The following NLGN1 variants were observed in gnomAD, a reference collection of about 807,000 sequenced individuals.
NLGN1 encodes neuroligin 1.
Under a neutral mutation model 65.5 loss-of-function variants are expected in NLGN1, and 12 were observed. That is an observed-to-expected ratio of 0.18 (90% confidence interval 0.12 to 0.30). The LOEUF (loss-of-function observed/expected upper bound fraction) is 0.30. Among genes scored for constraint, NLGN1 ranks in the 10% least tolerant of loss-of-function variants. The probability of loss-of-function intolerance (pLI) is 1.00; values close to 1 mark genes in which losing one functional copy is unlikely to be tolerated. For synonymous variants in NLGN1, 350 were observed against 359.5 expected (o/e 0.97, Z 0.30); for missense variants, 750 against 1,007.1 (o/e 0.74, Z 3.46).
intron 2 of NLGN1, among the ~76,000 whole-genome samples, chr3:173,586,225 A>G (rs1747416826): frequency 6.6e-6 from 1 of 152,162 alleles, no homozygotes; most frequent in Admixed American, 6.5e-5. Context: ...TAAAACATAC[A>G]TTTTGTATGT....
intron 3 of NLGN1, among the ~76,000 whole-genome samples, chr3:173,746,170 G>A (rs978931460): frequency 6.6e-6 from 1 of 152,054 alleles, no homozygotes; most frequent in Non-Finnish European, 1.5e-5. Flanking sequence ...GCATGCACCT[G>A]TAATACCAGT....
intron 4 of NLGN1, among the ~76,000 whole-genome samples, chr3:173,931,879 G>A (rs1310174713): frequency 6.6e-6 from 1 of 152,100 alleles, no homozygotes; most frequent in African/African-American, 2.4e-5. Flanking sequence ...GTAGTAAGAA[G>A]CACTGAGAGT....
chr3:173,663,672 T>C (rs908667468), intron 3 of NLGN1, among the ~76,000 whole-genome samples: 14 of 151,942 alleles, frequency 9.2e-5, no homozygotes, highest in African/African-American at 2.7e-4. Context: ...ACTAGAAATG[T>C]ATTGGTAGCT....
chr3:173,885,688 T>C (rs1257831758), intron 4 of NLGN1, among the ~76,000 whole-genome samples: 1 of 152,052 alleles, frequency 6.6e-6, no homozygotes, highest in Non-Finnish European at 1.5e-5. Flanking sequence ...ACTAAATAGT[T>C]AAACACTTGA....
At chr3:173,840,182 G>C (rs1488417234) in intron 4 of NLGN1, among the ~76,000 whole-genome samples, 2 of 152,086 alleles carry the variant, frequency 1.3e-5, no homozygotes, top group African/African-American at 4.8e-5. Flanking sequence ...TGCCTTAATT[G>C]ACAAATAAAT....
rs553539437 is a variant in NLGN1, at chr3:173,459,967, A to G, written c.-321+24889A>G. Among the ~76,000 whole-genome samples, 9 of 152,204 alleles carry G rather than the reference A, an allele frequency of 5.9e-5. No homozygotes were observed. In the South Asian group the frequency reaches 1.9e-3, roughly 32 times the overall value. ...TATGAGAAGCAATTATTTTTATAGC[A>G]TATGTGAATGAAAATTGACAATGCA... On this transcript the variant is annotated intron_variant, in intron 2 of 6. Coordinates refer to ENST00000457714, the Ensembl canonical transcript of NLGN1.
At chr3:173,898,928 CACCAAAA>C (rs1316104511) in intron 4 of NLGN1, among the ~76,000 whole-genome samples, 56 of 152,148 alleles carry the variant, frequency 3.7e-4, no homozygotes, top group Admixed American at 2.8e-3. Context: ...TTTAAGAGAA[CACCAAAA>C]CAATAGCAAT....
intron 4 of NLGN1, among the ~76,000 whole-genome samples, chr3:173,884,037 A>T (rs1733867070): frequency 6.6e-6 from 1 of 151,778 alleles, no homozygotes; most frequent in South Asian, 2.1e-4. Context: ...GGGTAAACTA[A>T]AGATTTCTTA....
At chr3:173,444,809 T>C (rs1719877301) in intron 2 of NLGN1, among the ~76,000 whole-genome samples, 1 of 152,024 alleles carries the variant, frequency 6.6e-6, no homozygotes, top group South Asian at 2.1e-4. Context: ...TAAATGTGGA[T>C]AGATACTGCA....
chr3:174,021,079 C>G (rs950020325), intron 4 of NLGN1, among the ~76,000 whole-genome samples: 2 of 151,856 alleles, frequency 1.3e-5, no homozygotes, highest in Admixed American at 6.6e-5. Context: ...TGATTTCTTG[C>G]TGTTAATGAA....
chr3:174,147,996 C>A (rs973884787), intron 4 of NLGN1, among the ~76,000 whole-genome samples: 2 of 152,126 alleles, frequency 1.3e-5, no homozygotes, highest in Non-Finnish European at 2.9e-5. Flanking sequence ...CCCCAATTAC[C>A]AACATTCTGG....
chr3:174,034,151 G>T (rs1377626673), intron 4 of NLGN1, among the ~76,000 whole-genome samples: 2 of 152,056 alleles, frequency 1.3e-5, no homozygotes, highest in African/African-American at 4.8e-5. Flanking sequence ...AGAAGAAAGT[G>T]GAGTGAAGCA....
At chr3:174,264,534 C>G (rs1747620044) in intron 4 of NLGN1, among the ~76,000 whole-genome samples, 1 of 150,674 alleles carries the variant, frequency 6.6e-6, no homozygotes, top group East Asian at 2.0e-4. Flanking sequence ...TCAGCTCCAT[C>G]AGCTCCTTTA....
At chr3:173,998,971 C>T (rs934394485) in intron 4 of NLGN1, among the ~76,000 whole-genome samples, 10 of 152,302 alleles carry the variant, frequency 6.6e-5, no homozygotes, top group Middle Eastern at 3.4e-3. Context: ...TCTTCAGTGT[C>T]TAAACTCTTA....
At chr3:174,037,519 A>T (rs368682856) in intron 4 of NLGN1, among the ~76,000 whole-genome samples, 6 of 152,292 alleles carry the variant, frequency 3.9e-5, no homozygotes, top group African/African-American at 1.4e-4. Context: ...ATATCCCTCA[A>T]AGCAAAATGG....
intron 3 of NLGN1, among the ~76,000 whole-genome samples, chr3:173,726,397 C>A (rs1291463766): frequency 6.6e-6 from 1 of 152,026 alleles, no homozygotes; most frequent in African/African-American, 2.4e-5. Flanking sequence ...GTTTTCCCAT[C>A]TTTAAAATGG....
intron 2 of NLGN1, among the ~76,000 whole-genome samples, chr3:173,489,717 C>T (rs745449166): frequency 4.5e-4 from 69 of 151,978 alleles, no homozygotes; most frequent in Non-Finnish European, 8.1e-4. Context: ...TAAAAGTGTT[C>T]CTATGTCTCC....
At chr3:173,755,891 AT>A (rs1259192116) in intron 3 of NLGN1, among the ~76,000 whole-genome samples, 1 of 152,130 alleles carries the variant, frequency 6.6e-6, no homozygotes, top group Non-Finnish European at 1.5e-5. Flanking sequence ...TTATACTTTA[AT>A]TAAAATGCTG....
intron 2 of NLGN1, among the ~76,000 whole-genome samples, chr3:173,578,146 G>C (rs1455183928): frequency 6.6e-6 from 1 of 151,240 alleles, no homozygotes; most frequent in Non-Finnish European, 1.5e-5. Flanking sequence ...TGAGGCAGGA[G>C]AATGGCATGA....
Sources: allele counts gnomAD v4.1 joint callset (sites outside exome capture counted in the v4.1 genomes callset), GRCh38; gene constraint gnomAD v4.1.1; transcripts MANE v1.5; gene names NCBI Gene and HGNC (gene_info 2026-07-23, HGNC 2026-07-21).